Variants in MSR1 observed in about 807,000 individuals in gnomAD.
The protein encoded by MSR1 is macrophage scavenger receptor 1.
In MSR1, 53 loss-of-function variants were observed where a neutral mutation model predicts 47.2. The observed-to-expected ratio is 1.12, with a 90% CI of 0.90 to 1.41. The LOEUF is 1.41. Ranked by LOEUF, MSR1 falls within the 40% of genes most tolerant of loss-of-function variation. The pLI, the probability that MSR1 is intolerant of heterozygous loss-of-function variation, is 0.00. For missense variants in MSR1, 786 were observed against 546.9 expected, an observed-to-expected ratio of 1.44 and a Z score of -4.36; for synonymous variants, 239 against 185.6, an observed-to-expected ratio of 1.29 and a Z score of -2.34.
chr8:16,155,041 T>C, intron 6 of MSR1, 23 bp downstream of exon 6: 1 of 1,590,066 alleles, frequency 6.3e-7, no homozygotes, highest in Non-Finnish European at 8.6e-7. Flanking sequence ...CAGTATATGA[T>C]TAAATAGCTA....
Position 16,150,309 on chromosome 8 carries a change from G to T in MSR1, c.901C>A (p.Pro301Thr), listed in dbSNP as rs757315525. 5.1e-6 allele frequency: 8 copies of T among 1,555,674 alleles called. No individual in the cohort carries two copies. Among genetic ancestry groups the T allele is most frequent in the South Asian group, 1.2e-5 (1 of 82,740 alleles). ...CCCCGATCACCTTTAAGACCCGGAG[G>T]ACCTACATTATTAACGAAGAAAAAA... Reference protein sequence around the residue: ...GPRGFPGPIGPPGLKGDRGAI... With the variant: ...GPRGFPGPIGTPGLKGDRGAI... Residue 301 changes from proline (P) to threonine (T), a missense_variant and splice_region_variant, in exon 7 of 10, where the codon CCT becomes ACT. By Grantham distance (38) the Pro-to-Thr change is conservative. Coordinates refer to ENST00000262101, the MANE Select transcript of MSR1 (RefSeq NM_138715.3).
chr8:16,185,367 C>G (rs558950758), intron 1 of MSR1, among the ~76,000 whole-genome samples: 1 of 152,160 alleles, frequency 6.6e-6, no homozygotes, highest in Non-Finnish European at 1.5e-5. Context: ...CATAACACAA[C>G]TAGCTACAAA....
chr8:16,155,377 A>C (rs1260047759), intron 5 of MSR1, among the ~76,000 whole-genome samples: 2 of 152,046 alleles, frequency 1.3e-5, no homozygotes, highest in Non-Finnish European at 2.9e-5. Flanking sequence ...ACAGTATATT[A>C]AATGTGAGTG....
intron 4 of MSR1, among the ~76,000 whole-genome samples, chr8:16,167,523 C>A (rs35939162): frequency 1.6e-3 from 242 of 152,166 alleles, no homozygotes; most frequent in African/African-American, 5.7e-3. Flanking sequence ...CCAGCCTGGG[C>A]AACAGAGTGA....
At chr8:16,158,621 C>T (rs1362080972) in intron 5 of MSR1, among the ~76,000 whole-genome samples, 2 of 151,880 alleles carry the variant, frequency 1.3e-5, no homozygotes, top group Non-Finnish European at 2.9e-5. Context: ...GCTGCCTAAA[C>T]CTGCTTCTTT....
At chr8:16,170,347 CAA>C (rs11300796) in intron 3 of MSR1, among the ~76,000 whole-genome samples, 6,173 of 144,162 alleles carry the variant, frequency 0.043, 442 homozygotes, top group African/African-American at 0.15. Flanking sequence ...GATTCCATCT[CAA>C]AAAAAAAAAA....
intron 1 of MSR1, among the ~76,000 whole-genome samples, chr8:16,189,147 CAT>C (rs1259711695): frequency 7.2e-6 from 1 of 139,640 alleles, no homozygotes; most frequent in East Asian, 2.4e-4. Flanking sequence ...ACATATATTT[CAT>C]ATATACGTAA....
intron 1 of MSR1, among the ~76,000 whole-genome samples, chr8:16,179,389 T>C (rs1801757759): frequency 6.6e-6 from 1 of 152,196 alleles, no homozygotes. Flanking sequence ...ACATAGTCCT[T>C]GTCCATATCA....
At chr8:16,157,510 T>C (rs73665229) in intron 5 of MSR1, among the ~76,000 whole-genome samples, 4,345 of 152,004 alleles carry the variant, frequency 0.029, 238 homozygotes, top group African/African-American at 0.1. Flanking sequence ...TACCTTTTTA[T>C]TGTCATTCTA....
chr8:16,126,120 T>C (rs1047849637), intron 8 of MSR1, among the ~76,000 whole-genome samples: 1 of 152,166 alleles, frequency 6.6e-6, no homozygotes, highest in African/African-American at 2.4e-5. Context: ...CACAGAGCCA[T>C]ACCTGAACCC....
intron 8 of MSR1, among the ~76,000 whole-genome samples, chr8:16,127,218 G>T (rs975142792): frequency 2.0e-5 from 3 of 152,062 alleles, no homozygotes; most frequent in African/African-American, 7.2e-5. Flanking sequence ...TCATGTCCAG[G>T]CATCTTTATA....
chr8:16,152,524 C>G (rs1800888584), intron 6 of MSR1, among the ~76,000 whole-genome samples: 1 of 152,006 alleles, frequency 6.6e-6, no homozygotes, highest in Admixed American at 6.6e-5. Flanking sequence ...GTAAATAGTA[C>G]TGGTTGATGA....
intron 8 of MSR1, among the ~76,000 whole-genome samples, chr8:16,125,367 A>C (rs919498694): frequency 6.6e-6 from 1 of 152,302 alleles, no homozygotes; most frequent in South Asian, 2.1e-4. Context: ...AAAGAGACTT[A>C]GCAGTGAGAT....
intron 5 of MSR1, among the ~76,000 whole-genome samples, chr8:16,161,726 C>T (rs1327106577): frequency 6.6e-6 from 1 of 151,802 alleles, no homozygotes; most frequent in Non-Finnish European, 1.5e-5. Flanking sequence ...CATAATTTTA[C>T]TAACTATGAG....
chr8:16,110,765 C>T (rs931967155), intron 9 of MSR1, among the ~76,000 whole-genome samples: 3 of 152,022 alleles, frequency 2.0e-5, no homozygotes, highest in African/African-American at 7.2e-5. Context: ...TAGAACTAAT[C>T]TAATCAGCAA....
intron 3 of MSR1, among the ~76,000 whole-genome samples, chr8:16,170,556 T>TA (rs1482730319): frequency 2.0e-5 from 3 of 152,162 alleles, no homozygotes; most frequent in African/African-American, 7.2e-5. Flanking sequence ...TATGGAACAA[T>TA]AAAAAGAATA....
At chr8:16,158,930 A>ATTTTT (rs34495946) in intron 5 of MSR1, among the ~76,000 whole-genome samples, 1,432 of 107,742 alleles carry the variant, frequency 0.013, 62 homozygotes, top group East Asian at 0.11. Context: ...CCTTTGGTTA[A>ATTTTT]TTTTTTTTTT....
chr8:16,119,114 C>T (rs776443954), intron 9 of MSR1, among the ~76,000 whole-genome samples: 7 of 152,162 alleles, frequency 4.6e-5, no homozygotes, highest in Non-Finnish European at 1.0e-4. Flanking sequence ...AAGTTCTGCA[C>T]ATTACCAGTC....
chr8:16,184,098 G>T (rs1012601326), intron 1 of MSR1, among the ~76,000 whole-genome samples: 1 of 151,394 alleles, frequency 6.6e-6, no homozygotes, highest in East Asian at 1.9e-4. Flanking sequence ...GGAACTGAGA[G>T]CAGTTTTAAT....
Sources: allele counts gnomAD v4.1 joint callset (sites outside exome capture counted in the v4.1 genomes callset), GRCh38; gene constraint gnomAD v4.1.1; transcripts MANE v1.5; gene names NCBI Gene and HGNC (gene_info 2026-07-23, HGNC 2026-07-21).